SPRED2: variants seen among roughly 807,000 people sequenced by gnomAD.
SPRED2 encodes sprouty-related, EVH1 domain-containing protein 2.
Under a neutral mutation model 43.0 loss-of-function variants are expected in SPRED2, and 47 were observed. The ratio of observed to expected loss-of-function variants is 1.09; its 90% CI spans 0.87 to 1.40. The LOEUF is 1.40. Ranked by LOEUF, SPRED2 falls within the 40% of genes most tolerant of loss-of-function variation. The pLI is 0.00. For synonymous variants in SPRED2, 225 were observed against 225.7 expected, an observed-to-expected ratio of 1.00 and a Z score of 0.03; for missense variants, 561 against 586.4, an observed-to-expected ratio of 0.96 and a Z score of 0.45.
intron 1 of SPRED2, among the ~76,000 whole-genome samples, chr2:65,367,901 G>T (rs1675023736): frequency 6.6e-6 from 1 of 152,026 alleles, no homozygotes; most frequent in South Asian, 2.1e-4. Flanking sequence ...CTCACTTAAT[G>T]TTCAAATTGG....
At chr2:65,396,651 G>C (rs1675764741) in intron 1 of SPRED2, among the ~76,000 whole-genome samples, 1 of 152,196 alleles carries the variant, frequency 6.6e-6, no homozygotes. Context: ...GGACATACTA[G>C]AGAAGTAAAG....
chr2:65,386,663 T>C (rs1675509951), intron 1 of SPRED2, among the ~76,000 whole-genome samples: 1 of 152,206 alleles, frequency 6.6e-6, no homozygotes, highest in Non-Finnish European at 1.5e-5. Context: ...TCCATTTTTA[T>C]AGAGGAAGAG....
In SPRED2 at chr2:65,366,459, C is replaced by T. The variant is rs1674981122; in HGVS notation, c.27-21563G>A. 5.5e-6 allele frequency: 5 copies of T among 906,606 alleles called. No individual in the cohort carries two copies. In the African/African-American group the frequency reaches 6.7e-5, roughly 12 times the overall value. 56.2% of individuals were successfully genotyped at this position (906,606 alleles called of 1,614,324 possible). ...ACGTGGGCACACACAAATACAAACA[C>T]ATACACACTGTGGTCCTCTACAACT... On this transcript the variant is annotated intron_variant, in intron 1 of 5. Coordinates refer to ENST00000356388, the MANE Select transcript of SPRED2 (RefSeq NM_181784.3).
chr2:65,354,281 C>T (rs1231312586), intron 1 of SPRED2, among the ~76,000 whole-genome samples: 2 of 152,158 alleles, frequency 1.3e-5, no homozygotes, highest in East Asian at 1.9e-4. Flanking sequence ...CCAATTTTAG[C>T]GGCAAATCTA....
chr2:65,340,134 T>C (rs1018889211), intron 2 of SPRED2, among the ~76,000 whole-genome samples: 1 of 152,240 alleles, frequency 6.6e-6, no homozygotes, highest in African/African-American at 2.4e-5. Flanking sequence ...CAATACTGTT[T>C]AATTAAAAGT....
chr2:65,332,041 C>G lies in SPRED2; in HGVS notation c.384G>C (p.Thr128=), dbSNP rs111994933. The G allele has an allele frequency of 6.2e-6, 10 of 1,606,222 alleles. No homozygotes were observed. Among genetic ancestry groups the G allele is most frequent in the African/African-American group, 5.3e-5 (4 of 74,904 alleles). ...AIEDLIEGST[T]SSSTIHNEAE... ...CTTCATTATGGATGGTGGAAGATGA[C>G]GTTGTTGAACCTAAAAAGACAAAAA... The change falls in exon 4 of 6, where the codon ACG becomes ACC. Residue 128 remains threonine, a synonymous_variant. Transcript: ENST00000356388.
chr2:65,419,053 A>G (rs1034815012), intron 1 of SPRED2, among the ~76,000 whole-genome samples: 1 of 152,178 alleles, frequency 6.6e-6, no homozygotes, highest in Non-Finnish European at 1.5e-5. Flanking sequence ...ATCTTGCTCA[A>G]GGCCACACAG....
intron 1 of SPRED2, among the ~76,000 whole-genome samples, chr2:65,380,110 T>C (rs1675337062): frequency 6.6e-6 from 1 of 152,176 alleles, no homozygotes; most frequent in Non-Finnish European, 1.5e-5. Flanking sequence ...TTGAATTCTG[T>C]ATATCATAAG....
chr2:65,354,320 C>T (rs911394729), intron 1 of SPRED2, among the ~76,000 whole-genome samples: 6 of 152,096 alleles, frequency 3.9e-5, no homozygotes, highest in African/African-American at 1.4e-4. Flanking sequence ...GGTGGTGATA[C>T]CCACGGCATT....
rs895338759 is a variant in SPRED2, at chr2:65,332,020, A to G, written c.405T>C (p.Asn135=). 1 of 1,610,400 alleles carries G rather than the reference A, an allele frequency of 6.2e-7. No homozygotes were observed. Among genetic ancestry groups the G allele is most frequent in the African/African-American group, 1.3e-5 (1 of 74,988 alleles). ...GSTTSSSTIH[N]EAELGDDDVF... ...CGTCATCATCGCCAAGCTCAGCTTCATTATGGATGGTGGAAGATGACGTTG... is the reference window on the plus strand; with the variant it reads ...CGTCATCATCGCCAAGCTCAGCTTCGTTATGGATGGTGGAAGATGACGTTG... The change falls in exon 4 of 6, where the codon AAT becomes AAC. Residue 135 remains asparagine (N), a synonymous_variant. Transcript: ENST00000356388.
In SPRED2 at chr2:65,311,635, T is replaced by C. The variant is rs1353809459; in HGVS notation, c.*1866A>G. On this transcript the variant is annotated 3_prime_UTR_variant, in exon 6 of 6. Transcript: ENST00000356388. ...AGGTTTTCTAGATGTTCTCCAGGCA[T>C]GGATGAGGTTCTCTTTTCTTCCATC... The C allele has an allele frequency of 4.1e-6, 4 of 985,702 alleles. No individual in the cohort carries two copies. Among genetic ancestry groups the C allele is most frequent in the Non-Finnish European group, 4.8e-6 (4 of 829,954 alleles). 61.1% of individuals were successfully genotyped at this position (985,702 alleles called of 1,614,324 possible).
At chr2:65,319,570 G>A (rs1311248141) in intron 4 of SPRED2, among the ~76,000 whole-genome samples, 2 of 152,112 alleles carry the variant, frequency 1.3e-5, no homozygotes, top group African/African-American at 4.8e-5. Flanking sequence ...TGTCACTTGG[G>A]TGCACTTTCC....
intron 1 of SPRED2, among the ~76,000 whole-genome samples, chr2:65,354,595 T>C (rs985759406): frequency 2.6e-5 from 4 of 151,874 alleles, no homozygotes; most frequent in African/African-American, 9.7e-5. Flanking sequence ...ATTTTATCAA[T>C]ACTTATTTAA....
intron 2 of SPRED2, among the ~76,000 whole-genome samples, chr2:65,338,070 A>AT (rs1381553387): frequency 6.6e-6 from 1 of 152,118 alleles, no homozygotes; most frequent in African/African-American, 2.4e-5. Context: ...GTGGAGCACT[A>AT]TTTTTCAGGT....
intron 1 of SPRED2, among the ~76,000 whole-genome samples, chr2:65,424,495 T>G (rs1676512611): frequency 6.6e-6 from 1 of 152,034 alleles, no homozygotes; most frequent in Admixed American, 6.6e-5. Context: ...GGCATGGTGG[T>G]GTACACCTGT....
Position 65,432,250 on chromosome 2 carries a change from A to G in SPRED2, c.-263T>C. On this transcript the variant is annotated 5_prime_UTR_variant, in exon 1 of 6. Coordinates refer to ENST00000356388, the MANE Select transcript of SPRED2 (RefSeq NM_181784.3). ...CGGGCGGAGGCTCCGGGGGCTCGGG[A>G]GCGGGCAGAGGGGGCGAGATTTGGG... 1 of 464,020 alleles carries G rather than the reference A, an allele frequency of 2.2e-6. No homozygotes were observed. Among genetic ancestry groups the G allele is most frequent in the South Asian group, 2.7e-5 (1 of 37,156 alleles). The allele number at this position is 464,020 out of a possible 1,614,324, so 28.7% of individuals were successfully genotyped here. A position where few individuals can be genotyped will look rare whatever the true frequency, so the allele number is the denominator to read the frequency against.
intron 1 of SPRED2, chr2:65,380,649 TTC>T (rs1675350818): frequency 6.6e-6 from 1 of 152,208 alleles, no homozygotes; most frequent in Non-Finnish European, 1.5e-5. Flanking sequence ...GGCCCCCACT[TTC>T]TCTCTTTTTT....
chr2:65,349,172 C>T (rs113947673), intron 1 of SPRED2, among the ~76,000 whole-genome samples: 23 of 151,762 alleles, frequency 1.5e-4, no homozygotes, highest in African/African-American at 3.4e-4. Context: ...CTGGGCGTGG[C>T]GGTGCTTTCG....
At chr2:65,400,231 A>G (rs1675852845) in intron 1 of SPRED2, among the ~76,000 whole-genome samples, 1 of 152,134 alleles carries the variant, frequency 6.6e-6, no homozygotes, top group Non-Finnish European at 1.5e-5. Context: ...TGGTGATAAA[A>G]CTTATGATTA....
Sources: gnomAD v4.1 joint callset for allele counts (sites outside exome capture counted in the v4.1 genomes callset) on GRCh38, gnomAD v4.1.1 for gene constraint, MANE v1.5 for transcripts, NCBI Gene and HGNC (gene_info 2026-07-23, HGNC 2026-07-21) for gene names.